LNX2: variants seen among roughly 807,000 people sequenced by gnomAD.
The protein encoded by LNX2 is ligand of numb-protein X 2.
Under a neutral mutation model 66.2 loss-of-function variants are expected in LNX2, and 35 were observed. The ratio of observed to expected loss-of-function variants is 0.53; its 90% CI spans 0.40 to 0.70. The LOEUF (loss-of-function observed/expected upper bound fraction) is 0.70. Among genes scored for constraint, LNX2 ranks in the 30% least tolerant of loss-of-function variants. LNX2 has a pLI of 0.00. For synonymous variants in LNX2, 337 were observed against 315.6 expected (o/e 1.07, Z -0.72); for missense variants, 791 against 850.8 (o/e 0.93, Z 0.87).
intron 1 of LNX2, among the ~76,000 whole-genome samples, chr13:27,583,237 T>C (rs1308496746): frequency 0.016 from 277 of 16,962 alleles, 47 homozygotes; most frequent in Admixed American, 0.021. Flanking sequence ...TGTGTGTGTG[T>C]GTGTGTGTGT....
At chr13:27,610,185 AC>A (rs1176063290) in intron 1 of LNX2, among the ~76,000 whole-genome samples, 1 of 152,222 alleles carries the variant, frequency 6.6e-6, no homozygotes, top group African/African-American at 2.4e-5. Context: ...ACAGGATACA[AC>A]CACATGCACT....
chr13:27,604,636 G>A (rs1955694829), intron 1 of LNX2, among the ~76,000 whole-genome samples: 1 of 151,682 alleles, frequency 6.6e-6, no homozygotes, highest in African/African-American at 2.4e-5. Flanking sequence ...GATTTCCTAC[G>A]AATATCTATT....
rs762716313 is a variant in LNX2, at chr13:27,562,623, G to A, written c.1014C>T (p.Phe338=). 1 of 1,614,140 alleles carries A rather than the reference G, an allele frequency of 6.2e-7. No homozygotes were observed. Among genetic ancestry groups the A allele is most frequent in the Non-Finnish European group, 8.5e-7 (1 of 1,180,026 alleles). Residue 338 remains phenylalanine (F), a synonymous_variant, in exon 5 of 10, where the codon TTC becomes TTT. Coordinates refer to ENST00000316334, the MANE Select transcript of LNX2 (RefSeq NM_153371.4). ...SDSNSPREEI[F]QVALHKRDSG... is the part of the protein sequence containing the mutation. Reference sequence around the variant, plus strand: ...AGTCCCGTTTATGAAGAGCCACTTGGAAAATCTCTTCTCGTGGAGAGTTAC... The same window carrying A: ...AGTCCCGTTTATGAAGAGCCACTTGAAAAATCTCTTCTCGTGGAGAGTTAC...
intron 4 of LNX2, among the ~76,000 whole-genome samples, chr13:27,566,668 T>C (rs900633716): frequency 6.6e-6 from 1 of 151,902 alleles, no homozygotes; most frequent in Non-Finnish European, 1.5e-5. Flanking sequence ...AAATTAGATA[T>C]GAAGAAGAGA....
At chr13:27,565,049 A>G (rs1291683272) in intron 4 of LNX2, among the ~76,000 whole-genome samples, 1 of 152,170 alleles carries the variant, frequency 6.6e-6, no homozygotes, top group Non-Finnish European at 1.5e-5. Flanking sequence ...TAGATGTAAG[A>G]TTGCCATTAT....
At chr13:27,554,690 G>A (rs1431177832) in intron 7 of LNX2, among the ~76,000 whole-genome samples, 2 of 152,138 alleles carry the variant, frequency 1.3e-5, no homozygotes, top group African/African-American at 2.4e-5. Context: ...ATGCTGCTAT[G>A]AACACTGGTA....
rs763302881 is a variant in LNX2, at chr13:27,549,654, G to C, written c.1937+679C>G. ...ATAAAGAAACTTACCTCATAGGATT[G>C]TTAAAAAGATTACATAATGCATGCA... On this transcript the variant is annotated intron_variant, in intron 9 of 9. Coordinates refer to ENST00000316334, the MANE Select transcript of LNX2 (RefSeq NM_153371.4). Among the ~76,000 whole-genome samples the C allele has an allele frequency of 1.2e-3, 185 of 152,308 alleles. 5 individuals carry two copies. The highest frequency in any genetic ancestry group is 4.1e-4 in the Non-Finnish European group (28 of 68,016).
At position 27,546,545 on chromosome 13, in the gene LNX2, T is replaced by C. The variant is rs1954941410; in HGVS notation, c.*1790A>G. The C allele has an allele frequency of 6.6e-6, 1 of 152,238 alleles. No individual in the cohort carries two copies. The highest frequency in any genetic ancestry group is 1.5e-5 in the Non-Finnish European group (1 of 68,044). The allele number at this position is 152,238 out of a possible 1,614,324, so 9.4% of individuals were successfully genotyped here. A position where few individuals can be genotyped will look rare whatever the true frequency, so the allele number is the denominator to read the frequency against. ...AAGTCAGTAGCAATGATTGTTGCTG[T>C]ATCTTATTCCAAATAGATATGTTTT... On this transcript the variant is annotated 3_prime_UTR_variant, in exon 10 of 10. Coordinates refer to ENST00000316334, the MANE Select transcript of LNX2 (RefSeq NM_153371.4).
chr13:27,617,421 G>A (rs993399282), intron 1 of LNX2, among the ~76,000 whole-genome samples: 5 of 152,170 alleles, frequency 3.3e-5, no homozygotes, highest in Non-Finnish European at 4.4e-5. Context: ...AGCCCTGTAA[G>A]CAGGAAGGAA....
chr13:27,616,029 G>A (rs966396236), intron 1 of LNX2, among the ~76,000 whole-genome samples: 15 of 152,156 alleles, frequency 9.9e-5, no homozygotes, highest in Non-Finnish European at 2.1e-4. Context: ...ACAGCCTTCA[G>A]GAGGTCCTAA....
intron 1 of LNX2, among the ~76,000 whole-genome samples, chr13:27,591,628 T>C (rs772999071): frequency 2.6e-5 from 4 of 152,240 alleles, no homozygotes; most frequent in Non-Finnish European, 4.4e-5. Context: ...CTAGGATTTA[T>C]TGAGAATCTC....
intron 1 of LNX2, among the ~76,000 whole-genome samples, chr13:27,585,524 G>A (rs1306193117): frequency 3.4e-4 from 52 of 151,938 alleles, no homozygotes; most frequent in Admixed American, 3.3e-3. Context: ...CATCAAGAAA[G>A]CAAACATTTC....
intron 1 of LNX2, among the ~76,000 whole-genome samples, chr13:27,606,009 C>T (rs1955711063): frequency 6.6e-6 from 1 of 152,092 alleles, no homozygotes; most frequent in African/African-American, 2.4e-5. Context: ...ATGGATGCAC[C>T]TGACAATCCT....
intron 1 of LNX2, among the ~76,000 whole-genome samples, chr13:27,591,732 G>A (rs948404684): frequency 2.6e-5 from 4 of 152,164 alleles, no homozygotes; most frequent in Non-Finnish European, 4.4e-5. Flanking sequence ...GGAGAGGGTG[G>A]AGGATAGACA....
Position 27,617,990 on chromosome 13 carries a change from AC to A in LNX2, c.-101+2384del. ...AGGCATTACATGCATAATTCCTCAA[AC>A]CCTACTCAACAGGTACGACAATCAT... On this transcript the variant is annotated intron_variant, in intron 1 of 9. Coordinates refer to ENST00000316334, the MANE Select transcript of LNX2 (RefSeq NM_153371.4). 2.0e-5 allele frequency among the ~76,000 whole-genome samples: 3 copies of A among 152,320 alleles called. No homozygotes were observed. The Middle Eastern group carries it at 0.01, about 518-fold the overall frequency.
chr13:27,553,080 G>T, intron 8 of LNX2, 128 bp downstream of exon 8: 1 of 696,498 alleles, frequency 1.4e-6, no homozygotes, highest in Non-Finnish European at 2.4e-6. Context: ...AATTTGATTT[G>T]ATGTTGCTAT....
rs1451648056 is a variant in LNX2, at chr13:27,562,691, G to C, written c.946C>G (p.Arg316Gly). The C allele has an allele frequency of 6.2e-7, 1 of 1,614,114 alleles. No individual in the cohort carries two copies. Among genetic ancestry groups the C allele is most frequent in the Non-Finnish European group, 8.5e-7 (1 of 1,179,996 alleles). The change falls in exon 5 of 10, where the codon CGA (arginine) becomes GGA (glycine). Residue 316 changes from arginine (R) to glycine (G), a missense_variant. Coordinates refer to ENST00000316334, the MANE Select transcript of LNX2 (RefSeq NM_153371.4). ...GCTCGGTTGCCAAAGCGCCTCTCTCGAAGCACAGTAAGATGCAGTGTGTTG... is the reference window on the plus strand; with the variant it reads ...GCTCGGTTGCCAAAGCGCCTCTCTCCAAGCACAGTAAGATGCAGTGTGTTG... The part of the protein sequence containing the change: ...PCNTLHLTVL[R>G]ERRFGNRAHN...
chr13:27,602,290 A>G (rs625437), intron 1 of LNX2, among the ~76,000 whole-genome samples: 5 of 151,926 alleles, frequency 3.3e-5, no homozygotes, highest in African/African-American at 1.2e-4. Context: ...TGCTAAATGC[A>G]TACAACTATG....
intron 1 of LNX2, among the ~76,000 whole-genome samples, chr13:27,594,412 TA>T (rs1187908328): frequency 6.6e-6 from 1 of 152,158 alleles, no homozygotes; most frequent in Non-Finnish European, 1.5e-5. Flanking sequence ...TCTACCAGCA[TA>T]AAGATGCTGT....
Sources: gnomAD v4.1 joint callset for allele counts (sites outside exome capture counted in the v4.1 genomes callset) on GRCh38, gnomAD v4.1.1 for gene constraint, MANE v1.5 for transcripts, NCBI Gene and HGNC (gene_info 2026-07-23, HGNC 2026-07-21) for gene names.